The following RTN3 variants were observed in gnomAD, a reference collection of about 807,000 sequenced individuals.
RTN3 encodes reticulon-3.
Under a neutral mutation model 77.8 loss-of-function variants are expected in RTN3, and 49 were observed. The ratio of observed to expected loss-of-function variants is 0.63; its 90% confidence interval spans 0.50 to 0.80. The LOEUF is 0.80. Ranked by LOEUF, RTN3 falls within the 30% of genes least tolerant of loss-of-function variation. RTN3 has a pLI of 0.00. For synonymous variants in RTN3, 464 were observed against 446.9 expected (o/e 1.04, Z -0.48); for missense variants, 1,236 against 1,211.9 (o/e 1.02, Z -0.29).
chr11:63,701,240 T>C (rs1942223805), intron 1 of RTN3, among the ~76,000 whole-genome samples: 1 of 152,180 alleles, frequency 6.6e-6, no homozygotes, highest in African/African-American at 2.4e-5. Context: ...TGATATCAAA[T>C]GTACAGCTCT....
chr11:63,685,442 G>C (rs1288723619), intron 1 of RTN3, among the ~76,000 whole-genome samples: 1 of 144,550 alleles, frequency 6.9e-6, no homozygotes, highest in Non-Finnish European at 1.5e-5. Context: ...GTTGCAGTGA[G>C]CTGAGATCAC....
chr11:63,733,189 C>T (rs1230658814), intron 3 of RTN3, among the ~76,000 whole-genome samples: 2 of 151,940 alleles, frequency 1.3e-5, no homozygotes, highest in Admixed American at 6.6e-5. Flanking sequence ...CACAGTGGCT[C>T]ACGCCTGTAA....
chr11:63,702,941 T>C (rs970077791), intron 1 of RTN3, among the ~76,000 whole-genome samples: 2 of 152,052 alleles, frequency 1.3e-5, no homozygotes, highest in Non-Finnish European at 2.9e-5. Flanking sequence ...TGCCTCGGCC[T>C]CCCAAAGTGC....
Position 63,758,253 on chromosome 11 carries a change from T to C in RTN3, c.*52T>C, listed in dbSNP as rs763562274. The C allele has an allele frequency of 1.9e-6, 3 of 1,613,730 alleles. No individual in the cohort carries two copies. The highest frequency in any genetic ancestry group is 1.1e-5 in the South Asian group (1 of 90,902). On this transcript the variant is annotated 3_prime_UTR_variant, in exon 9 of 9. Coordinates refer to ENST00000377819, the MANE Select transcript of RTN3 (RefSeq NM_001265589.2). Reference sequence around the variant, plus strand: ...TTACTAAAACACCATTTAATAGTTATAACGTCGTTACTTGTACTATGAAGG... The same window carrying C: ...TTACTAAAACACCATTTAATAGTTACAACGTCGTTACTTGTACTATGAAGG...
chr11:63,693,060 C>T (rs1033708741), intron 1 of RTN3, among the ~76,000 whole-genome samples: 18 of 152,130 alleles, frequency 1.2e-4, no homozygotes, highest in Admixed American at 3.9e-4. Context: ...CAGGCATAAG[C>T]CACCATGCCC....
intron 1 of RTN3, among the ~76,000 whole-genome samples, chr11:63,686,667 A>C (rs1941391934): frequency 6.6e-6 from 1 of 151,982 alleles, no homozygotes; most frequent in African/African-American, 2.4e-5. Context: ...CTCTACAAAA[A>C]GACAAAAAAG....
intron 7 of RTN3, among the ~76,000 whole-genome samples, chr11:63,755,883 C>T (rs2014355570): frequency 6.6e-6 from 1 of 151,414 alleles, no homozygotes; most frequent in Non-Finnish European, 1.5e-5. Flanking sequence ...GGCGTGAACC[C>T]GGGAGGTGGA....
At chr11:63,702,340 A>T (rs1395933076) in intron 1 of RTN3, among the ~76,000 whole-genome samples, 8 of 148,986 alleles carry the variant, frequency 5.4e-5, no homozygotes, top group African/African-American at 2.0e-4. Flanking sequence ...TTTGAGACAG[A>T]GTCTCGCCCT....
At chr11:63,701,492 C>G (rs949286712) in intron 1 of RTN3, among the ~76,000 whole-genome samples, 1 of 152,062 alleles carries the variant, frequency 6.6e-6, no homozygotes, top group African/African-American at 2.4e-5. Context: ...TAAAATTTCT[C>G]TCTATTTGTG....
intron 1 of RTN3, among the ~76,000 whole-genome samples, chr11:63,697,788 T>C (rs1942041105): frequency 2.6e-5 from 4 of 152,136 alleles, no homozygotes; most frequent in Admixed American, 2.6e-4. Context: ...CCTGTGCTTT[T>C]TCAATCCCAT....
intron 8 of RTN3, among the ~76,000 whole-genome samples, chr11:63,756,444 C>T (rs1227990980): frequency 3.9e-5 from 6 of 152,128 alleles, no homozygotes; most frequent in African/African-American, 1.4e-4. Context: ...GAGGCCGAGA[C>T]AGGAGGATTG....
At chr11:63,700,636 C>CT (rs1942193266) in intron 1 of RTN3, among the ~76,000 whole-genome samples, 1 of 151,104 alleles carries the variant, frequency 6.6e-6, no homozygotes, top group African/African-American at 2.4e-5. Flanking sequence ...TGGAGTCTCA[C>CT]TTTGTCACCC....
chr11:63,744,298 A>G (rs2013671076), intron 3 of RTN3, among the ~76,000 whole-genome samples: 1 of 152,038 alleles, frequency 6.6e-6, no homozygotes, highest in African/African-American at 2.4e-5. Flanking sequence ...ACACATTAAA[A>G]AATAAATAAT....
rs1176762920 is a variant in RTN3 at position 63,752,610 on chromosome 11, C to T, written c.2842C>T (p.Leu948Phe). ...CAGGGCCCTGAAACTCATTATTCGT[C>T]TCTTTCTGGTAGAAGATCTGGTTGA... is the stretch of plus-strand genomic sequence containing the variant. ...INRALKLIIR[L>F]FLVEDLVDSL... Residue 948 changes from leucine (L) to phenylalanine (F), a missense_variant, in exon 5 of 9, where the codon CTC becomes TTC. Physicochemically the swap from Leu to Phe is conservative, Grantham distance 22. Around this residue, in one of 3 missense-constraint regions of RTN3, gnomAD observed 141 missense variants for 154.9 expected, o/e 0.91. Coordinates refer to ENST00000377819, the MANE Select transcript of RTN3 (RefSeq NM_001265589.2). 1 of 1,614,012 alleles carries T rather than the reference C, an allele frequency of 6.2e-7. No homozygotes were observed. Among genetic ancestry groups the T allele is most frequent in the African/African-American group, 1.3e-5 (1 of 75,016 alleles).
chr11:63,688,859 G>A (rs1185889912), intron 1 of RTN3, among the ~76,000 whole-genome samples: 1 of 152,134 alleles, frequency 6.6e-6, no homozygotes, highest in Non-Finnish European at 1.5e-5. Flanking sequence ...GAAGGAATTG[G>A]TGACGTCTGG....
chr11:63,746,604 T>C (rs1189111623), intron 3 of RTN3, among the ~76,000 whole-genome samples: 1 of 152,000 alleles, frequency 6.6e-6, no homozygotes, highest in Non-Finnish European at 1.5e-5. Flanking sequence ...AAGCTCTGCC[T>C]CCCAGGTCCA....
At chr11:63,703,030 G>A (rs185565786) in intron 1 of RTN3, among the ~76,000 whole-genome samples, 130 of 152,074 alleles carry the variant, frequency 8.5e-4, no homozygotes, top group African/African-American at 2.9e-3. Flanking sequence ...CTATGTCTAC[G>A]TATACACTTA....
intron 3 of RTN3, among the ~76,000 whole-genome samples, chr11:63,740,638 C>T (rs1262858826): frequency 6.6e-6 from 1 of 151,188 alleles, no homozygotes; most frequent in Non-Finnish European, 1.5e-5. Flanking sequence ...ACTATGTTGC[C>T]CAGGCTGGTT....
At chr11:63,736,008 T>G (rs1166358391) in intron 3 of RTN3, among the ~76,000 whole-genome samples, 1 of 152,104 alleles carries the variant, frequency 6.6e-6, no homozygotes, top group Non-Finnish European at 1.5e-5. Flanking sequence ...CAACTTAAAT[T>G]TATTATCTCA....
Sources: gnomAD v4.1 joint callset for allele counts (sites outside exome capture counted in the v4.1 genomes callset) on GRCh38, gnomAD v4.1.1 for gene constraint, gnomAD v4.1.1 regional missense constraint, MANE v1.5 for transcripts, NCBI Gene and HGNC (gene_info 2026-07-23, HGNC 2026-07-21) for gene names.